Variants in RBM47 observed in about 807,000 individuals in gnomAD.
RBM47 encodes RNA binding motif protein 47.
In RBM47, 21 loss-of-function variants were observed where a neutral mutation model predicts 47.1. The ratio of observed to expected loss-of-function variants is 0.45; its 90% CI spans 0.32 to 0.64. The LOEUF (loss-of-function observed/expected upper bound fraction) is 0.64. RBM47 is among the 30% of genes least tolerant of loss of function. RBM47 has a pLI of 0.05. For synonymous variants in RBM47, 375 were observed against 361.7 expected (o/e 1.04, Z -0.42); for missense variants, 708 against 870.9 (o/e 0.81, Z 2.35).
At chr4:40,517,279 C>G (rs1725694072) in intron 2 of RBM47, among the ~76,000 whole-genome samples, 1 of 152,172 alleles carries the variant, frequency 6.6e-6, no homozygotes, top group African/African-American at 2.4e-5. Context: ...GGATTATAGT[C>G]ATGCACCACC....
chr4:40,425,907 G>C lies in RBM47; in HGVS notation c.1779C>G (p.Tyr593Ter). The change falls in exon 7 of 7, where the codon TAC becomes TAG. Residue 593 changes from tyrosine to a stop codon, truncating the protein, a stop_gained. Transcript: ENST00000295971. LOFTEE classifies it high-confidence loss of function. ...GTCTTCGTGCTGGTCACCAGCCTCA[G>C]TATGTCTGGTAGACGTCGGGGATGG... ...QVPIPDVYQT[Y>*] The C allele has an allele frequency of 6.2e-7, 1 of 1,614,120 alleles. No homozygotes were observed.
chr4:40,590,137 T>G (rs766196568), intron 1 of RBM47, among the ~76,000 whole-genome samples: 7 of 152,160 alleles, frequency 4.6e-5, no homozygotes, highest in Non-Finnish European at 1.0e-4. Flanking sequence ...GGCCAGGTAC[T>G]GAGAAAGTTT....
chr4:40,439,066 T>C (rs1441392296), intron 3 of RBM47, 142 bp from the exon 4 acceptor site: 2 of 710,022 alleles, frequency 2.8e-6, no homozygotes, highest in Non-Finnish European at 4.5e-6. Flanking sequence ...GGAGGCGTTC[T>C]GGAAATGCAG....
chr4:40,600,451 G>A (rs778989254), intron 1 of RBM47, among the ~76,000 whole-genome samples: 61 of 149,408 alleles, frequency 4.1e-4, no homozygotes, highest in Non-Finnish European at 7.2e-4. Context: ...TGGCTAACGT[G>A]GTGAAACCCC....
At chr4:40,432,954 T>C (rs1318654385) in intron 5 of RBM47, 92 bp from the exon 6 acceptor site, 2 of 1,489,614 alleles carry the variant, frequency 1.3e-6, no homozygotes, top group African/African-American at 2.9e-5. Context: ...TTATTTTTAT[T>C]TTTTTAAAAA....
rs933826504 is a variant in RBM47, at chr4:40,444,955, G to A, written c.-31-6031C>T. On this transcript the variant is annotated intron_variant, in intron 3 of 6. Transcript: ENST00000295971. The stretch of plus-strand genomic sequence containing the variant: ...ATTACAGGTGTGAGCCACTGTGCCC[G>A]GCCTTAAATTCTAACATATTTTAAA... 1.1e-4 allele frequency among the ~76,000 whole-genome samples: 17 copies of A among 151,486 alleles called. No homozygotes were observed. In the South Asian group the frequency reaches 2.1e-3, roughly 19 times the overall value.
intron 1 of RBM47, among the ~76,000 whole-genome samples, chr4:40,622,204 T>C (rs1432036070): frequency 6.6e-6 from 1 of 152,186 alleles, no homozygotes; most frequent in Non-Finnish European, 1.5e-5. Flanking sequence ...TTACATAGTA[T>C]GCTACAAAGC....
chr4:40,428,756 T>A (rs995492337), intron 6 of RBM47, among the ~76,000 whole-genome samples: 3 of 152,156 alleles, frequency 2.0e-5, no homozygotes, highest in Non-Finnish European at 2.9e-5. Context: ...TCTCTTTTCA[T>A]TCATGTGATG....
intron 3 of RBM47, among the ~76,000 whole-genome samples, chr4:40,448,855 C>T (rs566841646): frequency 6.6e-6 from 1 of 151,780 alleles, no homozygotes; most frequent in African/African-American, 2.4e-5. Flanking sequence ...AGAATAACCT[C>T]ATGGTTTACA....
intron 1 of RBM47, among the ~76,000 whole-genome samples, chr4:40,618,941 A>C (rs1418127100): frequency 1.3e-5 from 2 of 151,402 alleles, no homozygotes; most frequent in African/African-American, 4.9e-5. Flanking sequence ...GTTTTCCCCC[A>C]GTCTCTGCCA....
chr4:40,538,658 A>G (rs1728211585), intron 2 of RBM47, among the ~76,000 whole-genome samples: 1 of 148,618 alleles, frequency 6.7e-6, no homozygotes, highest in Non-Finnish European at 1.5e-5. Flanking sequence ...TTGTTTTGAG[A>G]CGGAGTCTTG....
At chr4:40,555,611 C>T (rs1730005776) in intron 1 of RBM47, among the ~76,000 whole-genome samples, 1 of 152,202 alleles carries the variant, frequency 6.6e-6, no homozygotes, top group Non-Finnish European at 1.5e-5. Context: ...TATATTAATG[C>T]AGAGAAGTAA....
rs141527055 is a variant in RBM47, at chr4:40,460,003, G to T, written c.-32+6574C>A. ...ATTCCCAACCTCAGGTGATCCACCCGCCTCGGCCTCTCAAAGTGCTGGGAT... is the reference window on the plus strand; with the variant it reads ...ATTCCCAACCTCAGGTGATCCACCCTCCTCGGCCTCTCAAAGTGCTGGGAT... On this transcript the variant is annotated intron_variant, in intron 3 of 6. Transcript: ENST00000295971. 3.4e-3 allele frequency among the ~76,000 whole-genome samples: 521 copies of T among 152,142 alleles called. 7 individuals carry two copies. Among genetic ancestry groups the T allele is most frequent in the Admixed American group, 0.025 (386 of 15,274 alleles).
At chr4:40,612,203 G>T (rs1054302520) in intron 1 of RBM47, among the ~76,000 whole-genome samples, 1 of 152,164 alleles carries the variant, frequency 6.6e-6, no homozygotes, top group Admixed American at 6.5e-5. Context: ...AGAATTAATG[G>T]TATCTAGGGT....
At chr4:40,551,579 GA>G (rs1334175308) in intron 1 of RBM47, among the ~76,000 whole-genome samples, 19 of 149,358 alleles carry the variant, frequency 1.3e-4, no homozygotes, top group African/African-American at 4.2e-4. Context: ...TTTTAAAAAA[GA>G]AAGGAAAGGA....
intron 2 of RBM47, among the ~76,000 whole-genome samples, chr4:40,502,503 C>T (rs1723507062): frequency 6.6e-6 from 1 of 152,078 alleles, no homozygotes; most frequent in Non-Finnish European, 1.5e-5. Flanking sequence ...GAAGAGAGGC[C>T]AATGAGTGCT....
intron 1 of RBM47, among the ~76,000 whole-genome samples, chr4:40,590,617 G>C (rs1734048167): frequency 6.6e-6 from 1 of 152,170 alleles, no homozygotes; most frequent in African/African-American, 2.4e-5. Flanking sequence ...AAAAGCAACA[G>C]CCCAAAGGGC....
At chr4:40,539,109 T>C (rs931985424) in intron 2 of RBM47, among the ~76,000 whole-genome samples, 2 of 152,166 alleles carry the variant, frequency 1.3e-5, no homozygotes, top group Non-Finnish European at 2.9e-5. Context: ...TCCCCTTCTT[T>C]GTAGTAAAAA....
intron 6 of RBM47, among the ~76,000 whole-genome samples, chr4:40,429,920 C>T (rs1053856876): frequency 4.0e-5 from 6 of 151,882 alleles, no homozygotes; most frequent in Non-Finnish European, 7.4e-5. Context: ...GGTGGCCGGG[C>T]GCGGTGGCTC....
Sources: allele counts gnomAD v4.1 joint callset (sites outside exome capture counted in the v4.1 genomes callset), GRCh38; gene constraint gnomAD v4.1.1; transcripts MANE v1.5; gene names NCBI Gene and HGNC (gene_info 2026-07-23, HGNC 2026-07-21).